SUPT3H: variants seen among roughly 807,000 people sequenced by gnomAD.
SUPT3H encodes the protein SPT3 homolog, SAGA and STAGA complex component.
Under a neutral mutation model 44.3 loss-of-function variants are expected in SUPT3H, and 44 were observed. The ratio of observed to expected loss-of-function variants is 0.99; its 90% CI spans 0.78 to 1.28. The LOEUF (loss-of-function observed/expected upper bound fraction) is 1.28, where lower values mean the gene tolerates loss of function less well. Among genes scored for constraint, SUPT3H ranks in the 50% most tolerant of loss-of-function variants. The pLI, the probability that SUPT3H is intolerant of heterozygous loss-of-function variation, is 0.00. For synonymous variants in SUPT3H, 124 were observed against 125.6 expected (o/e 0.99, Z 0.09); for missense variants, 380 against 387.1 (o/e 0.98, Z 0.15).
chr6:45,222,300 AC>A (rs973246139), intron 2 of SUPT3H, among the ~76,000 whole-genome samples: 6 of 152,186 alleles, frequency 3.9e-5, no homozygotes, highest in East Asian at 1.9e-4. Flanking sequence ...AAGAGGATGA[AC>A]AGATAAACTA....
At chr6:44,902,875 C>T (rs1765330254) in intron 10 of SUPT3H, among the ~76,000 whole-genome samples, 1 of 152,196 alleles carries the variant, frequency 6.6e-6, no homozygotes, top group Admixed American at 6.5e-5. Flanking sequence ...GATTAAGAAA[C>T]TCACTCAGAA....
At chr6:45,077,947 CA>C (rs1554233819) in intron 3 of SUPT3H, among the ~76,000 whole-genome samples, 1 of 151,898 alleles carries the variant, frequency 6.6e-6, no homozygotes, top group Non-Finnish European at 1.5e-5. Flanking sequence ...AGAAATTAAA[CA>C]AAATCAGATG....
intron 10 of SUPT3H, among the ~76,000 whole-genome samples, chr6:44,870,737 C>T (rs1241178477): frequency 1.5e-4 from 22 of 151,302 alleles, no homozygotes; most frequent in African/African-American, 3.1e-4. Context: ...TCTGAGGTAC[C>T]GGGTTCATCT....
In SUPT3H at chr6:45,097,208, C is replaced by T. The variant is rs141642132; in HGVS notation, c.186+8714G>A. On this transcript the variant is annotated intron_variant, in intron 3 of 10. Transcript: ENST00000371459. ...TCTCAGAGCCCCATCTTCTTCTCTT[C>T]CTCAAATATGAGGTGTCCCTGAACA... 7.6e-3 allele frequency among the ~76,000 whole-genome samples: 1,159 copies of T among 152,330 alleles called. 8 individuals carry two copies. The highest frequency in any genetic ancestry group is 0.012 in the Non-Finnish European group (824 of 68,026).
chr6:45,285,561 G>C (rs1779081078), intron 2 of SUPT3H, among the ~76,000 whole-genome samples: 2 of 152,008 alleles, frequency 1.3e-5, no homozygotes, highest in African/African-American at 4.8e-5. Context: ...TCTTCAAGGA[G>C]AACTACAAAC....
At chr6:45,351,355 C>T (rs1019518534) in intron 2 of SUPT3H, among the ~76,000 whole-genome samples, 1 of 152,106 alleles carries the variant, frequency 6.6e-6, no homozygotes, top group Non-Finnish European at 1.5e-5. Context: ...ACCAGGCATA[C>T]TTACGTACCA....
intron 10 of SUPT3H, among the ~76,000 whole-genome samples, chr6:44,907,769 A>G (rs1047701871): frequency 3.3e-5 from 5 of 152,198 alleles, no homozygotes; most frequent in African/African-American, 1.2e-4. Context: ...TTCATCTTGT[A>G]CACAACATGG....
intron 10 of SUPT3H, among the ~76,000 whole-genome samples, chr6:44,858,744 G>A (rs1357600739): frequency 6.6e-6 from 1 of 152,056 alleles, no homozygotes; most frequent in Non-Finnish European, 1.5e-5. Context: ...GACCTGAGAA[G>A]GTATTTATGC....
intron 2 of SUPT3H, among the ~76,000 whole-genome samples, chr6:45,215,200 C>T (rs929656172): frequency 1.4e-4 from 22 of 152,080 alleles, no homozygotes; most frequent in Admixed American, 1.3e-4. Context: ...AATGTTATCC[C>T]TAATTAACAA....
intron 5 of SUPT3H, among the ~76,000 whole-genome samples, chr6:45,009,883 G>A (rs1351003807): frequency 6.6e-6 from 1 of 152,132 alleles, no homozygotes; most frequent in East Asian, 1.9e-4. Flanking sequence ...GGTAGAATCA[G>A]TGTATTCATT....
chr6:44,832,103 A>C (rs1768899725), intron 10 of SUPT3H, among the ~76,000 whole-genome samples: 1 of 152,036 alleles, frequency 6.6e-6, no homozygotes, highest in African/African-American at 2.4e-5. Context: ...TTTCCTTTTG[A>C]TGTACAAAGG....
At chr6:45,204,756 C>G (rs542896341) in intron 2 of SUPT3H, among the ~76,000 whole-genome samples, 1 of 152,246 alleles carries the variant, frequency 6.6e-6, no homozygotes, top group Non-Finnish European at 1.5e-5. Context: ...AGAAACCACC[C>G]CTAATAACTC....
intron 3 of SUPT3H, among the ~76,000 whole-genome samples, chr6:45,048,134 A>C (rs1236448184): frequency 1.3e-5 from 2 of 150,468 alleles, no homozygotes; most frequent in African/African-American, 4.9e-5. Context: ...CTTACTATTG[A>C]GTTCCTTATA....
chr6:44,933,522 CG>C (rs1335847108), intron 9 of SUPT3H, among the ~76,000 whole-genome samples: 1 of 152,088 alleles, frequency 6.6e-6, no homozygotes, highest in African/African-American at 2.4e-5. Flanking sequence ...CATAATATCT[CG>C]GGCCTCGGTT....
At chr6:45,074,096 G>C (rs1002202794) in intron 3 of SUPT3H, among the ~76,000 whole-genome samples, 1 of 151,914 alleles carries the variant, frequency 6.6e-6, no homozygotes, top group African/African-American at 2.4e-5. Flanking sequence ...TAGTCACACA[G>C]TCCTTTATTT....
At chr6:45,045,737 T>G (rs1789291099) in intron 3 of SUPT3H, among the ~76,000 whole-genome samples, 1 of 152,054 alleles carries the variant, frequency 6.6e-6, no homozygotes, top group Admixed American at 6.5e-5. Context: ...TCTATACAAG[T>G]TTTTTTACCT....
At chr6:44,891,522 A>AT (rs1157613007) in intron 10 of SUPT3H, among the ~76,000 whole-genome samples, 2 of 152,122 alleles carry the variant, frequency 1.3e-5, no homozygotes, top group Non-Finnish European at 2.9e-5. Flanking sequence ...ATATAATTCC[A>AT]TTTATATGAT....
chr6:45,100,743 G>A (rs1348323155), intron 3 of SUPT3H, among the ~76,000 whole-genome samples: 1 of 152,014 alleles, frequency 6.6e-6, no homozygotes, highest in African/African-American at 2.4e-5. Context: ...GAAAGGGAAT[G>A]TCTTACACAC....
chr6:44,966,193 G>C (rs1776744749), intron 6 of SUPT3H, among the ~76,000 whole-genome samples: 1 of 152,038 alleles, frequency 6.6e-6, no homozygotes, highest in South Asian at 2.1e-4. Flanking sequence ...CCATACTAAA[G>C]TATACACTGG....
Sources: gnomAD v4.1 joint callset for allele counts (sites outside exome capture counted in the v4.1 genomes callset) on GRCh38, gnomAD v4.1.1 for gene constraint, MANE v1.5 for transcripts, NCBI Gene and HGNC (gene_info 2026-07-23, HGNC 2026-07-21) for gene names.